Variants in CTNND1 observed in about 807,000 individuals in gnomAD.
CTNND1 encodes the protein catenin delta 1.
A neutral mutation model predicts 112.1 loss-of-function variants in CTNND1; 16 were observed. The ratio of observed to expected loss-of-function variants is 0.14; its 90% CI spans 0.10 to 0.22. The LOEUF is 0.22. CTNND1 is among the 10% of genes least tolerant of loss of function. The probability of loss-of-function intolerance (pLI) is 1.00; values close to 1 mark genes in which losing one functional copy is unlikely to be tolerated. For synonymous variants in CTNND1, 420 were observed against 446.5 expected (o/e 0.94, Z 0.75); for missense variants, 1,008 against 1,257.0 (o/e 0.80, Z 3.00).
chr11:57,793,864 G>C (rs1021173869), intron 3 of CTNND1, 146 bp from the exon 4 acceptor site: 1 of 709,478 alleles, frequency 1.4e-6, no homozygotes, highest in Non-Finnish European at 2.4e-6. Flanking sequence ...AGAGTGAATG[G>C]TTCTTTTATG....
At chr11:57,809,186 T>C in intron 14 of CTNND1, 88 bp from the exon 15 acceptor site, 3 of 936,938 alleles carry the variant, frequency 3.2e-6, no homozygotes, top group Non-Finnish European at 5.0e-6. Flanking sequence ...GCACCTACAC[T>C]TGATATGATT....
chr11:57,774,900 G>A (rs1471871151), intron 1 of CTNND1, among the ~76,000 whole-genome samples: 1 of 151,740 alleles, frequency 6.6e-6, no homozygotes, highest in Non-Finnish European at 1.5e-5. Context: ...TTTAGTAGAG[G>A]TGGGGTTTTG....
At chr11:57,780,493 A>G in intron 1 of CTNND1, among the ~76,000 whole-genome samples, 1 of 152,170 alleles carries the variant, frequency 6.6e-6, no homozygotes, top group East Asian at 1.9e-4. Flanking sequence ...GATACTAAAT[A>G]CTTCTGGTAT....
rs1591396020 is a variant in CTNND1, at chr11:57,788,392, G to A, written c.-213-645G>A. On this transcript the variant is annotated intron_variant, in intron 1 of 20. Coordinates refer to ENST00000399050, the MANE Select transcript of CTNND1 (RefSeq NM_001085458.2). The surrounding 1 kb of genome is among the most constrained non-coding windows in gnomAD (Gnocchi z 4.1). ...GAGGAATTTAGGGAAGGGCAACCACGTTCTTTAAACTTAGGGACTGGATTG... is the reference window on the plus strand; with the variant it reads ...GAGGAATTTAGGGAAGGGCAACCACATTCTTTAAACTTAGGGACTGGATTG... 1.3e-5 allele frequency among the ~76,000 whole-genome samples: 2 copies of A among 152,154 alleles called. No homozygotes were observed. The highest frequency in any genetic ancestry group is 2.4e-5 in the African/African-American group (1 of 41,428).
At chr11:57,762,606 T>C (rs765129481) in intron 1 of CTNND1, among the ~76,000 whole-genome samples, 14 of 152,196 alleles carry the variant, frequency 9.2e-5, no homozygotes, top group Non-Finnish European at 1.0e-4. Context: ...CCCAGAGAGT[T>C]TGAACGGCCC....
At chr11:57,783,387 G>C (rs1464248638) in intron 1 of CTNND1, among the ~76,000 whole-genome samples, 4 of 151,184 alleles carry the variant, frequency 2.6e-5, no homozygotes, top group Non-Finnish European at 4.4e-5. Flanking sequence ...CCATAGAAAG[G>C]CCGGGCTCAC....
At chr11:57,803,523 A>G in intron 7 of CTNND1, 98 bp from the exon 8 acceptor site, 1 of 889,366 alleles carries the variant, frequency 1.1e-6, no homozygotes, top group Non-Finnish European at 1.7e-6. Flanking sequence ...GTCACTGGGG[A>G]AGACTGAGAA....
chr11:57,769,385 A>T (rs1951992643), intron 1 of CTNND1, among the ~76,000 whole-genome samples: 1 of 151,456 alleles, frequency 6.6e-6, no homozygotes, highest in South Asian at 2.1e-4. Context: ...CCTGGGCTCA[A>T]GTGATTCTCC....
chr11:57,796,426 A>C, intron 5 of CTNND1, 31 bp from the exon 6 acceptor site: 1 of 1,535,896 alleles, frequency 6.5e-7, no homozygotes. Flanking sequence ...TTCCTTAATT[A>C]GTTTTTCTTT....
chr11:57,781,549 CTCTTA>C (rs2059585679), intron 1 of CTNND1: 1 of 152,132 alleles, frequency 6.6e-6, no homozygotes. Context: ...TTGCCCCTCC[CTCTTA>C]TCTTTGTTTC....
At chr11:57,783,816 C>A (rs1190329698) in intron 1 of CTNND1, among the ~76,000 whole-genome samples, 1 of 152,142 alleles carries the variant, frequency 6.6e-6, no homozygotes, top group Non-Finnish European at 1.5e-5. Context: ...ATCTGAAGGG[C>A]CCCTTTCTGG....
chr11:57,770,329 C>CAAAAATA (rs1291510691), intron 1 of CTNND1, among the ~76,000 whole-genome samples: 3 of 147,500 alleles, frequency 2.0e-5, no homozygotes, highest in Admixed American at 1.4e-4. Flanking sequence ...GACTCCGTCT[C>CAAAAATA]AAAAATAAAA....
rs201576501 is a variant in CTNND1 at position 57,796,953 on chromosome 11, G to T, written c.917G>T (p.Arg306Leu). ...ATGATGTCTGATTATGGCACTGCCC[G>T]TCGGACTGGGACACCCTCTGACCCT... ...YGMMSDYGTA[R>L]RTGTPSDPRR... Residue 306 changes from arginine to leucine, a missense_variant, in exon 6 of 21, where the codon CGT becomes CTT. Coordinates refer to ENST00000399050, the MANE Select transcript of CTNND1 (RefSeq NM_001085458.2). 1 of 1,532,846 alleles carries T rather than the reference G, an allele frequency of 6.5e-7. No individual in the cohort carries two copies. The highest frequency in any genetic ancestry group is 2.3e-5 in the East Asian group (1 of 43,814). 95.0% of individuals were successfully genotyped at this position (1,532,846 alleles called of 1,614,324 possible). A position where few individuals can be genotyped will look rare whatever the true frequency, so the allele number is the denominator to read the frequency against.
chr11:57,814,055 C>CAGGTG, intron 17 of CTNND1: 1 of 413,800 alleles, frequency 2.4e-6, no homozygotes, highest in Non-Finnish European at 4.4e-6. Flanking sequence ...TGGCTCACAC[C>CAGGTG]TGTAATCCCA....
chr11:57,813,113 T>C (rs1286874324), intron 17 of CTNND1, among the ~76,000 whole-genome samples: 1 of 152,124 alleles, frequency 6.6e-6, no homozygotes. Context: ...GGAGGATCAT[T>C]TGAGCCCAGG....
intron 7 of CTNND1, 108 bp from the exon 8 acceptor site, chr11:57,803,513 G>A (rs1183959671): frequency 1.3e-6 from 1 of 767,324 alleles, no homozygotes; most frequent in Non-Finnish European, 2.0e-6. Context: ...AAGGTATTTG[G>A]TCACTGGGGA....
chr11:57,784,578 A>C (rs1315448515), intron 1 of CTNND1, among the ~76,000 whole-genome samples: 1 of 152,066 alleles, frequency 6.6e-6, no homozygotes, highest in Admixed American at 6.6e-5. Flanking sequence ...ATCTCGGCAC[A>C]CTGAAACTTT....
At position 57,789,921 on chromosome 11, in the gene CTNND1, G is replaced by T. The variant is rs536722469; in HGVS notation, c.-95+766G>T. Among the ~76,000 whole-genome samples, 11 of 152,308 alleles carry T rather than the reference G, an allele frequency of 7.2e-5. No homozygotes were observed. The East Asian group carries it at 1.5e-3, about 21-fold the overall frequency. On this transcript the variant is annotated intron_variant, in intron 2 of 20. Coordinates refer to ENST00000399050, the MANE Select transcript of CTNND1 (RefSeq NM_001085458.2). Reference sequence around the variant, plus strand: ...AATACTCCTTTTCCTACTTCCCAAGGAGGTGAAGTTTCCTGAAGACAGTGC... The same window carrying T: ...AATACTCCTTTTCCTACTTCCCAAGTAGGTGAAGTTTCCTGAAGACAGTGC...
In CTNND1 at chr11:57,819,359, T is replaced by A. The variant is rs1204482690; in HGVS notation, c.*3051T>A. On this transcript the variant is annotated 3_prime_UTR_variant, in exon 21 of 21. Transcript: ENST00000399050. Reference sequence around the variant, plus strand: ...TTAAGAGTTTACTTTCCAAAGAGTTTTGATAGCCCTGCTTGAGATGATTTT... The same window carrying A: ...TTAAGAGTTTACTTTCCAAAGAGTTATGATAGCCCTGCTTGAGATGATTTT... The A allele has an allele frequency of 6.6e-6, 1 of 152,232 alleles. No homozygotes were observed. Among genetic ancestry groups the A allele is most frequent in the Non-Finnish European group, 1.5e-5 (1 of 68,032 alleles). 9.4% of individuals were successfully genotyped at this position (152,232 alleles called of 1,614,324 possible).
Sources: gnomAD v4.1 joint callset for allele counts (sites outside exome capture counted in the v4.1 genomes callset) on GRCh38, gnomAD v4.1.1 for gene constraint, Gnocchi (gnomAD v3.1) non-coding constraint, MANE v1.5 for transcripts, NCBI Gene and HGNC (gene_info 2026-07-23, HGNC 2026-07-21) for gene names.